Variants in STX8 observed in about 807,000 individuals in gnomAD.
STX8 encodes the protein syntaxin-8.
Under a neutral mutation model 37.5 loss-of-function variants are expected in STX8, and 23 were observed. That is an observed-to-expected ratio of 0.61 (90% confidence interval 0.44 to 0.87). The LOEUF is 0.87. Among genes scored for constraint, STX8 ranks in the 40% least tolerant of loss-of-function variants. The pLI, the probability that STX8 is intolerant of heterozygous loss-of-function variation, is 0.00. For missense variants in STX8, 313 were observed against 284.7 expected, an observed-to-expected ratio of 1.10 and a Z score of -0.71; for synonymous variants, 115 against 99.1, an observed-to-expected ratio of 1.16 and a Z score of -0.95.
chr17:9,401,109 A>G (rs565008473), intron 6 of STX8, among the ~76,000 whole-genome samples: 19 of 152,324 alleles, frequency 1.2e-4, no homozygotes, highest in African/African-American at 4.6e-4. Flanking sequence ...ACAGCCTTAC[A>G]TTGCCATATC....
rs34907512 is a variant in STX8 at position 9,471,151 on chromosome 17, CTTTTTTTTTTT to C, written c.541+20667_541+20677del. ...CCGGGGCGTGAGCCACCGCACCCTG[CTTTTTTTTTTT>C]TTTTTTTTTGAGACAGTCTCACTCT... is the stretch of plus-strand genomic sequence containing the variant. On this transcript the variant is annotated intron_variant, in intron 6 of 7. Coordinates refer to ENST00000306357, the MANE Select transcript of STX8 (RefSeq NM_004853.3). Among the ~76,000 whole-genome samples, 29 of 51,272 alleles carry C rather than the reference CTTTTTTTTTTT, an allele frequency of 5.7e-4. 2 individuals carry two copies. The highest frequency in any genetic ancestry group is 9.0e-4 in the Admixed American group (3 of 3,328). 33.6% of individuals were successfully genotyped at this position (51,272 alleles called of 152,430 possible). A position where few individuals can be genotyped will look rare whatever the true frequency, so the allele number is the denominator to read the frequency against.
chr17:9,515,483 T>C (rs1158036501), intron 4 of STX8, among the ~76,000 whole-genome samples: 5 of 151,110 alleles, frequency 3.3e-5, no homozygotes, highest in Non-Finnish European at 7.4e-5. Flanking sequence ...GTGTGTTTCT[T>C]TGAAGTCTTT....
chr17:9,265,065 G>T (rs376415482), intron 7 of STX8, among the ~76,000 whole-genome samples: 3 of 148,874 alleles, frequency 2.0e-5, no homozygotes, highest in Non-Finnish European at 4.4e-5. Flanking sequence ...GTTACAGTGA[G>T]CCATGATTGT....
intron 4 of STX8, among the ~76,000 whole-genome samples, chr17:9,523,661 T>C (rs1485820923): frequency 6.6e-6 from 1 of 152,240 alleles, no homozygotes; most frequent in Admixed American, 6.5e-5. Context: ...CATTACTGTT[T>C]TCACTTTACT....
chr17:9,250,849 G>A (rs950408677), intron 7 of STX8, among the ~76,000 whole-genome samples: 3 of 148,950 alleles, frequency 2.0e-5, no homozygotes, highest in African/African-American at 7.7e-5. Flanking sequence ...GCAGAAGGCA[G>A]GGGCCTGGGT....
chr17:9,506,118 G>A lies in STX8; in HGVS notation c.324-956C>T, dbSNP rs534735983. The stretch of plus-strand genomic sequence containing the variant: ...CATGTGCCCTTTCTGCACGAGACCA[G>A]TTGGTCTCGCTGTCTAAGGAACAGG... On this transcript the variant is annotated intron_variant, in intron 4 of 7. Transcript: ENST00000306357. 8.2e-4 allele frequency among the ~76,000 whole-genome samples: 125 copies of A among 152,132 alleles called. 1 individual carries two copies. Among genetic ancestry groups the A allele is most frequent in the Middle Eastern group, 3.4e-3 (1 of 294 alleles).
intron 7 of STX8, among the ~76,000 whole-genome samples, chr17:9,304,354 T>A (rs1458385548): frequency 6.6e-6 from 1 of 150,956 alleles, no homozygotes; most frequent in Non-Finnish European, 1.5e-5. Context: ...TACAAAAAAA[T>A]GAAAATAAAT....
intron 7 of STX8, among the ~76,000 whole-genome samples, chr17:9,309,375 C>T (rs952248205): frequency 2.6e-5 from 4 of 152,152 alleles, no homozygotes; most frequent in Admixed American, 6.5e-5. Flanking sequence ...TAACTCAGGG[C>T]TTCTTCTTGA....
At chr17:9,575,436 C>G (rs1186097028) in intron 1 of STX8, among the ~76,000 whole-genome samples, 1 of 152,160 alleles carries the variant, frequency 6.6e-6, no homozygotes, top group African/African-American at 2.4e-5. Context: ...AACGTTATTT[C>G]GACTTCACTT....
chr17:9,495,758 T>G (rs1904369171), intron 5 of STX8, among the ~76,000 whole-genome samples: 1 of 152,244 alleles, frequency 6.6e-6, no homozygotes, highest in Non-Finnish European at 1.5e-5. Flanking sequence ...ATCGAGATGC[T>G]GTAGAGGTAA....
chr17:9,572,728 C>T (rs956970749), intron 1 of STX8, among the ~76,000 whole-genome samples: 3 of 151,894 alleles, frequency 2.0e-5, no homozygotes, highest in Non-Finnish European at 4.4e-5. Flanking sequence ...TTTTCAAGTC[C>T]CTTCCCATAC....
chr17:9,284,349 C>G (rs537832637), intron 7 of STX8, among the ~76,000 whole-genome samples: 13 of 152,288 alleles, frequency 8.5e-5, no homozygotes, highest in African/African-American at 3.1e-4. Flanking sequence ...CAAGACGGCT[C>G]ACCAAAACAA....
chr17:9,329,943 A>C (rs1476486273), intron 7 of STX8, among the ~76,000 whole-genome samples: 1 of 152,116 alleles, frequency 6.6e-6, no homozygotes, highest in African/African-American at 2.4e-5. Flanking sequence ...GCAGACCCCG[A>C]AGCGTGCTGA....
intron 7 of STX8, among the ~76,000 whole-genome samples, chr17:9,331,549 C>G (rs1597609104): frequency 6.6e-6 from 1 of 152,110 alleles, no homozygotes; most frequent in South Asian, 2.1e-4. Context: ...GGACCGAGGC[C>G]GGGTGTCCTG....
At chr17:9,411,496 G>T (rs1450253538) in intron 6 of STX8, among the ~76,000 whole-genome samples, 1 of 152,202 alleles carries the variant, frequency 6.6e-6, no homozygotes, top group Admixed American at 6.5e-5. Context: ...TGCTTTAAGA[G>T]AAATTGTTTT....
chr17:9,312,979 T>C (rs2142193675), intron 7 of STX8, among the ~76,000 whole-genome samples: 1 of 151,264 alleles, frequency 6.6e-6, no homozygotes, highest in East Asian at 2.0e-4. Context: ...TCACCTGAGG[T>C]TGGGAGTTTG....
In STX8 at chr17:9,466,509, T is replaced by C. The variant is rs572956031; in HGVS notation, c.541+25320A>G. 6.4e-4 allele frequency among the ~76,000 whole-genome samples: 98 copies of C among 152,298 alleles called. 1 individual carries two copies. The highest frequency in any genetic ancestry group is 2.3e-3 in the African/African-American group (96 of 41,562). ...CTTGAGAAGGCCCAACATTTACACA[T>C]TTTAACACAGGCATGGAAATAAGCA... On this transcript the variant is annotated intron_variant, in intron 6 of 7. Transcript: ENST00000306357.
intron 7 of STX8, among the ~76,000 whole-genome samples, chr17:9,369,388 G>GT (rs1911332457): frequency 1.3e-5 from 2 of 152,184 alleles, no homozygotes; most frequent in Non-Finnish European, 2.9e-5. Context: ...ACAATAGCCA[G>GT]ATAGAAATAT....
At chr17:9,474,101 G>A (rs1358060099) in intron 6 of STX8, among the ~76,000 whole-genome samples, 1 of 152,158 alleles carries the variant, frequency 6.6e-6, no homozygotes, top group Non-Finnish European at 1.5e-5. Flanking sequence ...GGAGCTGCTG[G>A]ATTGGTGAAC....
Sources: allele counts gnomAD v4.1 joint callset (sites outside exome capture counted in the v4.1 genomes callset), GRCh38; gene constraint gnomAD v4.1.1; transcripts MANE v1.5; gene names NCBI Gene and HGNC (gene_info 2026-07-23, HGNC 2026-07-21).